LRP1B: variants seen among roughly 807,000 people sequenced by gnomAD.
LRP1B encodes the protein low-density lipoprotein receptor-related protein 1B.
A neutral mutation model predicts 556.6 loss-of-function variants in LRP1B; 217 were observed. The ratio of observed to expected loss-of-function variants is 0.39; its 90% CI spans 0.35 to 0.44. The LOEUF is 0.44. LRP1B is among the 20% of genes least tolerant of loss of function. LRP1B has a pLI of 1.00. For missense variants in LRP1B, 5,053 were observed against 5,620.8 expected, an observed-to-expected ratio of 0.90 and a Z score of 3.23; for synonymous variants, 2,047 against 1,865.8, an observed-to-expected ratio of 1.10 and a Z score of -2.50.
chr2:140,895,332 C>G (rs558107483), intron 23 of LRP1B, among the ~76,000 whole-genome samples: 25 of 152,304 alleles, frequency 1.6e-4, no homozygotes, highest in African/African-American at 6.0e-4. Flanking sequence ...GCCGAACAAA[C>G]AGCAATGGAG....
chr2:142,109,820 A>G (rs962756251), intron 1 of LRP1B, among the ~76,000 whole-genome samples: 6 of 152,158 alleles, frequency 3.9e-5, no homozygotes, highest in Non-Finnish European at 5.9e-5. Flanking sequence ...AAATTTCAGG[A>G]TTATTTTATT....
chr2:141,478,508 CCCTCCCTCCCTT>C (rs1290055405), intron 3 of LRP1B, among the ~76,000 whole-genome samples: 1 of 136,390 alleles, frequency 7.3e-6, no homozygotes, highest in Admixed American at 7.8e-5. Context: ...TTCCTTCTTT[CCCTCCCTCCCTT>C]CCTCCCTCCC....
At chr2:140,399,139 A>G (rs1405033353) in intron 66 of LRP1B, among the ~76,000 whole-genome samples, 1 of 151,698 alleles carries the variant, frequency 6.6e-6, no homozygotes, top group Non-Finnish European at 1.5e-5. Flanking sequence ...TTAGTGCCTT[A>G]TTACTTAAAA....
chr2:141,321,966 T>C (rs1355134567), intron 3 of LRP1B, among the ~76,000 whole-genome samples: 1 of 152,192 alleles, frequency 6.6e-6, no homozygotes, highest in South Asian at 2.1e-4. Context: ...TCTAGTCTTG[T>C]AAATGAAGCC....
At chr2:140,655,028 G>C (rs908288695) in intron 41 of LRP1B, among the ~76,000 whole-genome samples, 1 of 138,448 alleles carries the variant, frequency 7.2e-6, no homozygotes, top group Non-Finnish European at 1.6e-5. Context: ...ATGGGTATAT[G>C]TATGTATATA....
chr2:140,542,440 G>A (rs570165723), intron 43 of LRP1B, among the ~76,000 whole-genome samples: 1 of 152,172 alleles, frequency 6.6e-6, no homozygotes, highest in Non-Finnish European at 1.5e-5. Context: ...TAAACTAGTT[G>A]CACATGTCTG....
chr2:140,346,459 G>A (rs554409997), intron 77 of LRP1B, among the ~76,000 whole-genome samples: 8 of 151,842 alleles, frequency 5.3e-5, no homozygotes, highest in African/African-American at 1.9e-4. Flanking sequence ...CCTGTTTTGT[G>A]CAATTAACAA....
chr2:141,094,143 A>G (rs993555644), intron 7 of LRP1B, among the ~76,000 whole-genome samples: 20 of 152,204 alleles, frequency 1.3e-4, no homozygotes, highest in Admixed American at 5.9e-4. Flanking sequence ...AATAAGGTGC[A>G]TTATAAAGGT....
chr2:140,351,691 T>A (rs16843830), intron 76 of LRP1B, among the ~76,000 whole-genome samples: 16,810 of 152,008 alleles, frequency 0.11, 1,014 homozygotes, highest in African/African-American at 0.16. Context: ...AATGCCAAAA[T>A]TATCAATTAA....
chr2:140,385,200 A>T (rs1407647414), intron 67 of LRP1B, among the ~76,000 whole-genome samples: 1 of 152,162 alleles, frequency 6.6e-6, no homozygotes, highest in Non-Finnish European at 1.5e-5. Context: ...AGTCATGATC[A>T]TGCCACTGCT....
chr2:140,523,038 A>G (rs1473871910), intron 49 of LRP1B, among the ~76,000 whole-genome samples: 1 of 152,020 alleles, frequency 6.6e-6, no homozygotes, highest in African/African-American at 2.4e-5. Context: ...AACTCATTCT[A>G]TGAAATCAGG....
At chr2:140,465,266 C>G (rs1469191927) in intron 60 of LRP1B, among the ~76,000 whole-genome samples, 1 of 152,094 alleles carries the variant, frequency 6.6e-6, no homozygotes, top group Admixed American at 6.5e-5. Context: ...TGCCCCATGA[C>G]CCACCACCTC....
intron 1 of LRP1B, among the ~76,000 whole-genome samples, chr2:141,831,724 TG>T (rs1249381195): frequency 6.6e-6 from 1 of 151,690 alleles, no homozygotes; most frequent in African/African-American, 2.4e-5. Context: ...TAGCATGCTT[TG>T]TTGTTGTGTT....
At chr2:142,010,299 A>G (rs1222814813) in intron 1 of LRP1B, among the ~76,000 whole-genome samples, 2 of 152,112 alleles carry the variant, frequency 1.3e-5, no homozygotes, top group Non-Finnish European at 2.9e-5. Flanking sequence ...TCATGCCTGT[A>G]ATCCTAGCAC....
chr2:140,663,855 T>C (rs1176539637), intron 41 of LRP1B, among the ~76,000 whole-genome samples: 2 of 152,222 alleles, frequency 1.3e-5, no homozygotes, highest in Admixed American at 6.5e-5. Flanking sequence ...TAATCATTTC[T>C]AGCTTTTGAT....
At chr2:141,641,321 C>T (rs1360676778) in intron 2 of LRP1B, among the ~76,000 whole-genome samples, 1 of 151,838 alleles carries the variant, frequency 6.6e-6, no homozygotes, top group African/African-American at 2.4e-5. Flanking sequence ...AGGCATTAGA[C>T]CATATTATAT....
chr2:141,783,087 G>A (rs1695316771), intron 2 of LRP1B, among the ~76,000 whole-genome samples: 1 of 151,912 alleles, frequency 6.6e-6, no homozygotes, highest in African/African-American at 2.4e-5. Context: ...ATATTCATTG[G>A]GCATTGCTTA....
At chr2:141,283,400 A>G (rs1472290427) in intron 3 of LRP1B, among the ~76,000 whole-genome samples, 4 of 152,100 alleles carry the variant, frequency 2.6e-5, no homozygotes, top group Admixed American at 2.6e-4. Flanking sequence ...TTGGGATGAC[A>G]AGAACATCGA....
At chr2:142,130,009 C>T (rs1707792603) in intron 1 of LRP1B, among the ~76,000 whole-genome samples, 1 of 152,062 alleles carries the variant, frequency 6.6e-6, no homozygotes, top group African/African-American at 2.4e-5. Flanking sequence ...GTGGGTTAGC[C>T]CCTCAGAGCA....
Sources: allele counts gnomAD v4.1 joint callset (sites outside exome capture counted in the v4.1 genomes callset), GRCh38; gene constraint gnomAD v4.1.1; transcripts MANE v1.5; gene names NCBI Gene and HGNC (gene_info 2026-07-23, HGNC 2026-07-21).